KCND2: variants seen among roughly 807,000 people sequenced by gnomAD.
KCND2 encodes the protein potassium voltage-gated channel subfamily D member 2.
KCND2 carries 16 observed loss-of-function variants against 54.4 expected under a neutral mutation model. That is an observed-to-expected ratio of 0.29 (90% confidence interval 0.20 to 0.45). The LOEUF (loss-of-function observed/expected upper bound fraction) is 0.45. Ranked by LOEUF, KCND2 falls within the 20% of genes least tolerant of loss-of-function variation. KCND2 has a pLI of 1.00. For missense variants in KCND2, 486 were observed against 824.2 expected (o/e 0.59, Z 5.02); for synonymous variants, 317 against 310.7 (o/e 1.02, Z -0.21).
At chr7:120,464,787 G>A (rs1242080493) in intron 1 of KCND2, among the ~76,000 whole-genome samples, 1 of 152,142 alleles carries the variant, frequency 6.6e-6, no homozygotes, top group African/African-American at 2.4e-5. Context: ...GCTCCTGGAA[G>A]CCACCTGCCT....
chr7:120,541,250 G>T (rs1791976414), intron 1 of KCND2, among the ~76,000 whole-genome samples: 2 of 152,102 alleles, frequency 1.3e-5, no homozygotes, highest in Admixed American at 6.5e-5. Context: ...GGAAGAGAGA[G>T]AACTCTAGCT....
chr7:120,702,811 C>A (rs1019312975), intron 1 of KCND2, among the ~76,000 whole-genome samples: 1 of 151,932 alleles, frequency 6.6e-6, no homozygotes, highest in Non-Finnish European at 1.5e-5. Flanking sequence ...GGGAGAAGAT[C>A]AGAAAAAGTA....
chr7:120,579,717 T>C (rs1792491221), intron 1 of KCND2, among the ~76,000 whole-genome samples: 1 of 151,928 alleles, frequency 6.6e-6, no homozygotes, highest in Non-Finnish European at 1.5e-5. Context: ...AAAAAATCAT[T>C]ATTACATTTT....
intron 1 of KCND2, among the ~76,000 whole-genome samples, chr7:120,401,246 A>G (rs1019022968): frequency 1.3e-5 from 2 of 152,084 alleles, no homozygotes; most frequent in African/African-American, 4.8e-5. Flanking sequence ...TACTGACATC[A>G]AAAAACGGCC....
chr7:120,618,611 G>T (rs1793058498), intron 1 of KCND2, among the ~76,000 whole-genome samples: 1 of 151,824 alleles, frequency 6.6e-6, no homozygotes, highest in Non-Finnish European at 1.5e-5. Flanking sequence ...TTAGAAAAGT[G>T]CAGGCTTTGT....
At chr7:120,718,252 C>T (rs1238943000) in intron 1 of KCND2, among the ~76,000 whole-genome samples, 1 of 152,130 alleles carries the variant, frequency 6.6e-6, no homozygotes, top group Non-Finnish European at 1.5e-5. Flanking sequence ...CTAGAAGGAA[C>T]AGCACAACGC....
chr7:120,705,477 A>G (rs1316817067), intron 1 of KCND2, among the ~76,000 whole-genome samples: 1 of 152,188 alleles, frequency 6.6e-6, no homozygotes, highest in African/African-American at 2.4e-5. Context: ...GACCTTTAGC[A>G]AGTTACTCAC....
At chr7:120,697,234 C>T (rs1341635141) in intron 1 of KCND2, among the ~76,000 whole-genome samples, 1 of 152,144 alleles carries the variant, frequency 6.6e-6, no homozygotes, top group Non-Finnish European at 1.5e-5. Context: ...TTTTATACTG[C>T]AACCAATAAT....
intron 1 of KCND2, among the ~76,000 whole-genome samples, chr7:120,507,840 T>C (rs1445319394): frequency 1.3e-5 from 2 of 151,888 alleles, no homozygotes; most frequent in Non-Finnish European, 2.9e-5. Flanking sequence ...AAAACATTTC[T>C]ACATAATGTG....
intron 1 of KCND2, among the ~76,000 whole-genome samples, chr7:120,493,207 CAT>C (rs140884909): frequency 1.2e-4 from 18 of 149,180 alleles, no homozygotes; most frequent in Admixed American, 2.0e-4. Context: ...AGATCTATAT[CAT>C]ATATATATAT....
chr7:120,697,690 A>G (rs1463491859), intron 1 of KCND2, among the ~76,000 whole-genome samples: 1 of 152,226 alleles, frequency 6.6e-6, no homozygotes, highest in African/African-American at 2.4e-5. Context: ...AGCTGTGGGG[A>G]TAATGATAAG....
intron 5 of KCND2, among the ~76,000 whole-genome samples, chr7:120,746,229 TA>T (rs1793004856): frequency 6.6e-6 from 1 of 152,198 alleles, no homozygotes; most frequent in Non-Finnish European, 1.5e-5. Flanking sequence ...ATATCAGTAT[TA>T]AAAGAGTCGA....
At chr7:120,532,330 T>G (rs1791853029) in intron 1 of KCND2, among the ~76,000 whole-genome samples, 1 of 152,002 alleles carries the variant, frequency 6.6e-6, no homozygotes, top group South Asian at 2.1e-4. Context: ...GACAATGAAC[T>G]TTAAAATCAG....
chr7:120,530,318 T>G (rs1791827769), intron 1 of KCND2, among the ~76,000 whole-genome samples: 1 of 152,062 alleles, frequency 6.6e-6, no homozygotes, highest in Non-Finnish European at 1.5e-5. Context: ...CACACAAAAA[T>G]GTAGAATAAA....
intron 1 of KCND2, among the ~76,000 whole-genome samples, chr7:120,645,969 A>G (rs765744292): frequency 4.6e-5 from 7 of 152,232 alleles, no homozygotes; most frequent in Admixed American, 3.3e-4. Context: ...CAAGGTGAGA[A>G]AATAGATACC....
At chr7:120,311,930 G>A (rs994469194) in intron 1 of KCND2, among the ~76,000 whole-genome samples, 1 of 152,124 alleles carries the variant, frequency 6.6e-6, no homozygotes, top group Non-Finnish European at 1.5e-5. Flanking sequence ...TTGAGATGGA[G>A]TTTAGCTCTT....
At chr7:120,554,746 T>C (rs913238853) in intron 1 of KCND2, among the ~76,000 whole-genome samples, 2 of 152,154 alleles carry the variant, frequency 1.3e-5, no homozygotes, top group African/African-American at 2.4e-5. Context: ...GGAGATGCTG[T>C]TGTTATGTAG....
intron 1 of KCND2, among the ~76,000 whole-genome samples, chr7:120,584,320 G>A (rs1792563250): frequency 6.6e-6 from 1 of 152,146 alleles, no homozygotes; most frequent in Non-Finnish European, 1.5e-5. Flanking sequence ...GGTTTTTACT[G>A]ATCATTTCTA....
intron 1 of KCND2, among the ~76,000 whole-genome samples, chr7:120,729,006 A>G (rs570185635): frequency 1.3e-5 from 2 of 152,340 alleles, no homozygotes; most frequent in East Asian, 3.9e-4. Flanking sequence ...ACTTCTCAAT[A>G]TAAGCTTTCT....
Sources: allele counts gnomAD v4.1 joint callset (sites outside exome capture counted in the v4.1 genomes callset), GRCh38; gene constraint gnomAD v4.1.1; transcripts MANE v1.5; gene names NCBI Gene and HGNC (gene_info 2026-07-23, HGNC 2026-07-21).